Variants in LSM4 observed in about 807,000 individuals in gnomAD.
LSM4 encodes the protein LSM4 homolog, U6 small nuclear RNA and mRNA degradation associated, also known as U6 snRNA-associated Sm-like protein LSm4.
In LSM4, 15 loss-of-function variants were observed where a neutral mutation model predicts 22.3. The ratio of observed to expected loss-of-function variants is 0.67; its 90% CI spans 0.45 to 1.03. LSM4 has a LOEUF of 1.03. Among genes scored for constraint, LSM4 ranks in the 50% least tolerant of loss-of-function variants. The pLI is 0.00. For synonymous variants in LSM4, 90 were observed against 79.8 expected (o/e 1.13, Z -0.68); for missense variants, 127 against 198.0 (o/e 0.64, Z 2.15).
chr19:18,311,866 T>A, intron 3 of LSM4, among the ~76,000 whole-genome samples: 1 of 152,252 alleles, frequency 6.6e-6, no homozygotes, highest in Non-Finnish European at 1.5e-5. Context: ...CCTGTTGTCC[T>A]GTCAAGGTGA....
rs907724951 is a variant in LSM4 at position 18,316,128 on chromosome 19, G to A, written c.4-63C>T. 4 of 1,528,284 alleles carry A rather than the reference G, an allele frequency of 2.6e-6. No individual in the cohort carries two copies. In the Admixed American group the frequency reaches 5.1e-5, roughly 19 times the overall value. 94.7% of individuals were successfully genotyped at this position (1,528,284 alleles called of 1,614,324 possible). On this transcript the variant is annotated intron_variant, in intron 1 of 4. Coordinates refer to ENST00000593829, the MANE Select transcript of LSM4 (RefSeq NM_012321.5). ...ACCAGCGCCTGGGAGCTCTGGTCTT[G>A]AGTCCCACCCATGACTCATAGATGG...
At chr19:18,322,551 G>A (rs572747797) in intron 1 of LSM4, among the ~76,000 whole-genome samples, 1 of 152,104 alleles carries the variant, frequency 6.6e-6, no homozygotes, top group Non-Finnish European at 1.5e-5. Flanking sequence ...GGCCTAGGAG[G>A]CTGTGCTGCT....
At chr19:18,320,230 G>A (rs191987207) in intron 1 of LSM4, among the ~76,000 whole-genome samples, 1 of 152,330 alleles carries the variant, frequency 6.6e-6, no homozygotes, top group East Asian at 1.9e-4. Flanking sequence ...AGGTGAGGCT[G>A]GGCACAGTGG....
intron 4 of LSM4, among the ~76,000 whole-genome samples, chr19:18,308,427 T>C (rs1970257750): frequency 6.6e-6 from 1 of 152,222 alleles, no homozygotes; most frequent in African/African-American, 2.4e-5. Context: ...TCAGAGAACT[T>C]TCTAGCTGGA....
At chr19:18,321,387 GA>G (rs1276882813) in intron 1 of LSM4, among the ~76,000 whole-genome samples, 3 of 152,142 alleles carry the variant, frequency 2.0e-5, no homozygotes, top group Admixed American at 6.6e-5. Flanking sequence ...ATTGTAGCGG[GA>G]AATTATGACA....
At chr19:18,307,874 T>C (rs1229600244) in intron 4 of LSM4, among the ~76,000 whole-genome samples, 1 of 139,000 alleles carries the variant, frequency 7.2e-6, no homozygotes, top group Non-Finnish European at 1.5e-5. Context: ...AAGGGTTTCC[T>C]GGAGGAGGAG....
chr19:18,317,604 C>T lies in LSM4; in HGVS notation c.4-1539G>A, dbSNP rs180738192. On this transcript the variant is annotated intron_variant, in intron 1 of 4. Transcript: ENST00000593829. ...CCCCGTGATCCGCCTGCCTTGGCCT[C>T]TCAAAGTGCTGGGATTACAGGCGTG... 3.8e-3 allele frequency among the ~76,000 whole-genome samples: 572 copies of T among 152,186 alleles called. 10 individuals are homozygous for T. The highest frequency in any genetic ancestry group is 1.4e-3 in the Non-Finnish European group (94 of 68,024).
intron 1 of LSM4, among the ~76,000 whole-genome samples, chr19:18,317,689 A>C (rs1283322342): frequency 6.6e-6 from 1 of 151,708 alleles, no homozygotes; most frequent in Non-Finnish European, 1.5e-5. Flanking sequence ...AGGTAAGGTG[A>C]ACTTTCAAGA....
chr19:18,316,337 ATTTTT>A (rs35435536), intron 1 of LSM4: 74 of 123,196 alleles, frequency 6.0e-4, no homozygotes, highest in South Asian at 2.6e-3. Flanking sequence ...ACTCTGGTCA[ATTTTT>A]TTTTTTTTTT....
At chr19:18,310,060 C>T (rs1568297278) in intron 3 of LSM4, 199 bp from the exon 4 acceptor site, 1 of 568,990 alleles carries the variant, frequency 1.8e-6, no homozygotes, top group Non-Finnish European at 3.0e-6. Flanking sequence ...CAATCCTTCA[C>T]CCAGGAGCAA....
At chr19:18,312,803 G>C (rs575240113) in intron 2 of LSM4, 101 bp from the exon 3 acceptor site, 4 of 871,008 alleles carry the variant, frequency 4.6e-6, no homozygotes, top group Non-Finnish European at 3.8e-6. Context: ...CACCACCTCC[G>C]GGCCTCAGCC....
In LSM4 at chr19:18,306,700, C is replaced by A. The variant is rs528134946; in HGVS notation, c.*764G>T. On this transcript the variant is annotated 3_prime_UTR_variant, in exon 5 of 5. Transcript: ENST00000593829. ...ATAGGACAACCTGGTGTGGGGGGCG[C>A]CGGGGACTCTCAAGAGCCCCCACTG... 1.3e-5 allele frequency: 2 copies of A among 152,320 alleles called. No individual in the cohort carries two copies. The highest frequency in any genetic ancestry group is 4.1e-4 in the South Asian group (2 of 4,832). The allele number at this position is 152,320 out of a possible 1,614,324, so 9.4% of individuals were successfully genotyped here.
intron 3 of LSM4, among the ~76,000 whole-genome samples, chr19:18,311,334 C>T (rs1055940348): frequency 2.6e-5 from 4 of 152,082 alleles, no homozygotes; most frequent in African/African-American, 7.2e-5. Context: ...TAGATGGGGA[C>T]GATGTGAGTT....
In LSM4 at chr19:18,307,363, C is replaced by T; in HGVS notation, c.*101G>A. 1.0e-6 allele frequency: 1 copy of T among 976,340 alleles called. No homozygotes were observed. Among genetic ancestry groups the T allele is most frequent in the Non-Finnish European group, 1.4e-6 (1 of 734,884 alleles). 60.5% of individuals were successfully genotyped at this position (976,340 alleles called of 1,614,324 possible). On this transcript the variant is annotated 3_prime_UTR_variant, in exon 5 of 5. Transcript: ENST00000593829. The stretch of plus-strand genomic sequence containing the variant: ...TCACAAAACACGAAGGGGGTTCCCC[C>T]TGGCGCCTGCCTCTTCCTTTCTGAG...
At chr19:18,312,006 C>T (rs1036774029) in intron 3 of LSM4, among the ~76,000 whole-genome samples, 9 of 152,294 alleles carry the variant, frequency 5.9e-5, no homozygotes, top group Middle Eastern at 3.4e-3. Flanking sequence ...CCGCTGCCTT[C>T]AGCACCATCC....
intron 1 of LSM4, among the ~76,000 whole-genome samples, chr19:18,318,357 C>G (rs964456982): frequency 6.6e-6 from 1 of 152,218 alleles, no homozygotes; most frequent in Admixed American, 6.5e-5. Context: ...CAGCAGGAAG[C>G]CAGGCCCAAG....
At chr19:18,316,283 T>G in intron 1 of LSM4, 1 of 418,746 alleles carries the variant, frequency 2.4e-6, no homozygotes, top group Non-Finnish European at 4.4e-6. Context: ...TCACACACCC[T>G]CCCTACTCCC....
chr19:18,319,920 G>A (rs901899502), intron 1 of LSM4, among the ~76,000 whole-genome samples: 2 of 152,194 alleles, frequency 1.3e-5, no homozygotes, highest in Non-Finnish European at 2.9e-5. Context: ...CAAGCACAAG[G>A]CCAGGCACAT....
intron 1 of LSM4, 46 bp downstream of exon 1, chr19:18,322,972 G>T (rs1313647388): frequency 6.3e-7 from 1 of 1,589,398 alleles, no homozygotes. Context: ...CCCAACGACT[G>T]CTGTTCCCGC....
Sources: gnomAD v4.1 joint callset for allele counts (sites outside exome capture counted in the v4.1 genomes callset) on GRCh38, gnomAD v4.1.1 for gene constraint, MANE v1.5 for transcripts, NCBI Gene and HGNC (gene_info 2026-07-23, HGNC 2026-07-21) for gene names.